The following KATNIP variants were observed in gnomAD, a reference collection of about 807,000 sequenced individuals.
KATNIP encodes katanin interacting protein.
KATNIP carries 126 observed loss-of-function variants against 174.0 expected under a neutral mutation model. The observed-to-expected ratio is 0.72, with a 90% CI of 0.63 to 0.84. KATNIP has a LOEUF of 0.84. Among genes scored for constraint, KATNIP ranks in the 40% least tolerant of loss-of-function variants. The probability of loss-of-function intolerance (pLI) is 0.00; values close to 1 mark genes in which losing one functional copy is unlikely to be tolerated. For missense variants in KATNIP, 1,958 were observed against 2,109.7 expected (o/e 0.93, Z 1.41); for synonymous variants, 810 against 835.7 (o/e 0.97, Z 0.53).
At chr16:27,710,957 G>T (rs953616219) in intron 13 of KATNIP, among the ~76,000 whole-genome samples, 7 of 152,180 alleles carry the variant, frequency 4.6e-5, no homozygotes, top group African/African-American at 1.4e-4. Context: ...TCAGCAACTT[G>T]CCTGCCTTCT....
At chr16:27,620,800 T>G (rs1336361334) in intron 3 of KATNIP, among the ~76,000 whole-genome samples, 5 of 152,216 alleles carry the variant, frequency 3.3e-5, no homozygotes, top group African/African-American at 9.6e-5. Context: ...CAGCTTCCCA[T>G]AAGAAGCAGG....
chr16:27,759,362 A>C (rs2081864549), intron 18 of KATNIP, among the ~76,000 whole-genome samples: 1 of 152,226 alleles, frequency 6.6e-6, no homozygotes, highest in Non-Finnish European at 1.5e-5. Context: ...TTATTAGGGA[A>C]GGCCTCTCAG....
At chr16:27,725,256 G>A (rs1305530288) in intron 14 of KATNIP, among the ~76,000 whole-genome samples, 2 of 152,218 alleles carry the variant, frequency 1.3e-5, no homozygotes, top group African/African-American at 4.8e-5. Flanking sequence ...GTGATCCTAT[G>A]AGGCAGGTGG....
In KATNIP at chr16:27,681,470, G is replaced by A. The variant is rs747793821; in HGVS notation, c.880G>A (p.Glu294Lys). The A allele has an allele frequency of 1.2e-6, 2 of 1,614,168 alleles. No homozygotes were observed. The highest frequency in any genetic ancestry group is 1.1e-5 in the South Asian group (1 of 91,078). The change falls in exon 8 of 28, where the codon GAG becomes AAG. Residue 294 changes from glutamate to lysine, a missense_variant. Transcript: ENST00000261588. ...TGAGGTTTTCGTTCCCACCAAACCT[G>A]AGCCAAACCTGACTCCCCAAGCTCC... ...NAEVFVPTKP[E>K]PNLTPQAPAV... is the part of the protein sequence containing the mutation.
chr16:27,771,780 G>T lies in KATNIP; in HGVS notation c.4198+128G>T, dbSNP rs887951856. 3 of 951,912 alleles carry T rather than the reference G, an allele frequency of 3.2e-6. No homozygotes were observed. In the South Asian group the frequency reaches 4.7e-5, roughly 15 times the overall value. 59.0% of individuals were successfully genotyped at this position (951,912 alleles called of 1,614,324 possible). On this transcript the variant is annotated intron_variant, in intron 22 of 27. Transcript: ENST00000261588. ...TGGAACTCCATGCAAGGAAACCAAGGCAGAGGATAGGAGGCCTCCTGGGTC... is the reference window on the plus strand; with the variant it reads ...TGGAACTCCATGCAAGGAAACCAAGTCAGAGGATAGGAGGCCTCCTGGGTC...
At chr16:27,609,283 C>T (rs981087814) in intron 2 of KATNIP, among the ~76,000 whole-genome samples, 1 of 149,436 alleles carries the variant, frequency 6.7e-6, no homozygotes, top group South Asian at 2.1e-4. Context: ...CAGGGAGGGA[C>T]ACAGGAGAGG....
chr16:27,557,834 T>A, intron 1 of KATNIP, among the ~76,000 whole-genome samples: 1 of 152,226 alleles, frequency 6.6e-6, no homozygotes, highest in South Asian at 2.1e-4. Flanking sequence ...GAATTAGTTG[T>A]CAACATTGAA....
chr16:27,583,379 C>T (rs1351262876), intron 2 of KATNIP, among the ~76,000 whole-genome samples: 3 of 152,194 alleles, frequency 2.0e-5, no homozygotes, highest in Non-Finnish European at 4.4e-5. Context: ...AGATAGCTCT[C>T]TTTACCTCCT....
chr16:27,551,418 G>A (rs972535662), intron 1 of KATNIP, among the ~76,000 whole-genome samples: 5 of 152,044 alleles, frequency 3.3e-5, no homozygotes, highest in Non-Finnish European at 7.4e-5. Context: ...TTTGCCTTCT[G>A]GAAAGGTCAA....
At chr16:27,711,013 A>C (rs143820558) in intron 13 of KATNIP, among the ~76,000 whole-genome samples, 2 of 152,176 alleles carry the variant, frequency 1.3e-5, no homozygotes, top group Non-Finnish European at 2.9e-5. Context: ...AGATTGGGTC[A>C]ATCATCTGTT....
At chr16:27,682,545 G>C (rs933031408) in intron 8 of KATNIP, among the ~76,000 whole-genome samples, 1 of 152,146 alleles carries the variant, frequency 6.6e-6, no homozygotes, top group Non-Finnish European at 1.5e-5. Context: ...GCTCAGTCTC[G>C]ATGTTACCAG....
chr16:27,719,768 C>T (rs2080134486), intron 13 of KATNIP, among the ~76,000 whole-genome samples: 2 of 151,238 alleles, frequency 1.3e-5, no homozygotes, highest in African/African-American at 4.9e-5. Context: ...CTCCTGGGCT[C>T]AAGCAATCCT....
At chr16:27,561,190 T>G (rs1009215769) in intron 1 of KATNIP, among the ~76,000 whole-genome samples, 1 of 151,738 alleles carries the variant, frequency 6.6e-6, no homozygotes, top group African/African-American at 2.4e-5. Context: ...TTTTGTATTT[T>G]TTTTTTTTTT....
intron 10 of KATNIP, 104 bp downstream of exon 10, chr16:27,699,703 C>T (rs2079032927): frequency 6.7e-7 from 1 of 1,495,830 alleles, no homozygotes; most frequent in African/African-American, 1.4e-5. Context: ...GTGCATAGCA[C>T]CTGATGGCCT....
chr16:27,591,733 T>C (rs2075173604), intron 2 of KATNIP, among the ~76,000 whole-genome samples: 1 of 152,156 alleles, frequency 6.6e-6, no homozygotes, highest in Non-Finnish European at 1.5e-5. Flanking sequence ...TCTGAGCAAA[T>C]ATTTCTCACG....
chr16:27,736,203 A>G (rs775519319), intron 14 of KATNIP, among the ~76,000 whole-genome samples: 1 of 152,062 alleles, frequency 6.6e-6, no homozygotes, highest in Non-Finnish European at 1.5e-5. Flanking sequence ...GGGTTTCATC[A>G]TGTTGGCCAG....
intron 2 of KATNIP, among the ~76,000 whole-genome samples, chr16:27,604,307 C>A (rs954600486): frequency 1.4e-4 from 22 of 152,196 alleles, no homozygotes; most frequent in Admixed American, 6.6e-4. Context: ...ACTGTGTTAC[C>A]CAGGCTAGTT....
chr16:27,761,380 G>A, intron 18 of KATNIP, 33 bp from the exon 19 acceptor site: 2 of 1,578,046 alleles, frequency 1.3e-6, no homozygotes, highest in Non-Finnish European at 1.7e-6. Flanking sequence ...TGGAGCCTCT[G>A]GTGCTAATGG....
intron 14 of KATNIP, among the ~76,000 whole-genome samples, chr16:27,729,744 C>T (rs968722822): frequency 6.6e-6 from 1 of 152,218 alleles, no homozygotes; most frequent in African/African-American, 2.4e-5. Context: ...TTCTCCACTT[C>T]CTTTTTCTGT....
Sources: allele counts gnomAD v4.1 joint callset (sites outside exome capture counted in the v4.1 genomes callset), GRCh38; gene constraint gnomAD v4.1.1; transcripts MANE v1.5; gene names NCBI Gene and HGNC (gene_info 2026-07-23, HGNC 2026-07-21).